The following INTS8 variants were observed in gnomAD, a reference collection of about 807,000 sequenced individuals.
The protein encoded by INTS8 is integrator complex subunit 8, also known as protein kaonashi-1.
INTS8 carries 47 observed loss-of-function variants against 138.9 expected under a neutral mutation model. That is an observed-to-expected ratio of 0.34 (90% CI 0.27 to 0.43). The LOEUF is 0.43. Ranked by LOEUF, INTS8 falls within the 20% of genes least tolerant of loss-of-function variation. INTS8 has a pLI of 1.00. For synonymous variants in INTS8, 392 were observed against 400.9 expected, an observed-to-expected ratio of 0.98 and a Z score of 0.27; for missense variants, 996 against 1,173.0, an observed-to-expected ratio of 0.85 and a Z score of 2.20.
intron 26 of INTS8, 82 bp downstream of exon 26, chr8:94,876,571 G>A: frequency 1.2e-6 from 1 of 825,106 alleles, no homozygotes; most frequent in Non-Finnish European, 1.9e-6. Flanking sequence ...ACAAAAAATA[G>A]ATTTTGTGTA....
chr8:94,859,998 ATTC>A (rs1259303428), intron 16 of INTS8: 1 of 161,356 alleles, frequency 6.2e-6, no homozygotes, highest in Non-Finnish European at 1.4e-5. Flanking sequence ...TGAACACTTT[ATTC>A]TTCTTTAGAA....
chr8:94,827,912 G>A (rs1351211259), intron 4 of INTS8, 119 bp downstream of exon 4: 2 of 839,136 alleles, frequency 2.4e-6, no homozygotes, highest in Non-Finnish European at 4.1e-6. Flanking sequence ...AGGGCAGAAG[G>A]CCTGTGTGAA....
At chr8:94,851,844 CAG>C (rs1353529486) in intron 13 of INTS8, among the ~76,000 whole-genome samples, 158 bp downstream of exon 13, 4 of 152,082 alleles carry the variant, frequency 2.6e-5, no homozygotes, top group Admixed American at 6.5e-5. Context: ...CATCCATTGA[CAG>C]AGAAAATAGG....
At chr8:94,848,716 G>A (rs1815421596) in intron 10 of INTS8, among the ~76,000 whole-genome samples, 1 of 152,054 alleles carries the variant, frequency 6.6e-6, no homozygotes, top group South Asian at 2.1e-4. Context: ...TCATCAGTTG[G>A]TAGACTGCAG....
intron 10 of INTS8, among the ~76,000 whole-genome samples, chr8:94,845,455 A>C (rs1055415229): frequency 6.6e-6 from 1 of 151,854 alleles, no homozygotes; most frequent in African/African-American, 2.4e-5. Context: ...AGCAAGTTCT[A>C]CCTTGTTTTC....
chr8:94,850,043 A>C lies in INTS8; in HGVS notation c.1459A>C (p.Arg487=). The change falls in exon 12 of 27, where the codon AGA becomes CGA. Residue 487 remains arginine, a synonymous_variant. Transcript: ENST00000523731. ...LVDQMRKRSP[R]VNLCIKPVTS... is the part of the protein sequence containing the mutation. Reference sequence around the variant, plus strand: ...TGATCAGATGAGGAAGAGATCCCCTAGAGTAAATCTGTGCATTAAACCTGT... The same window carrying C: ...TGATCAGATGAGGAAGAGATCCCCTCGAGTAAATCTGTGCATTAAACCTGT... The C allele has an allele frequency of 6.2e-7, 1 of 1,613,088 alleles. No individual in the cohort carries two copies. Among genetic ancestry groups the C allele is most frequent in the Non-Finnish European group, 8.5e-7 (1 of 1,179,472 alleles).
intron 1 of INTS8, among the ~76,000 whole-genome samples, chr8:94,823,934 G>C (rs759809980): frequency 6.6e-6 from 1 of 152,242 alleles, no homozygotes; most frequent in Non-Finnish European, 1.5e-5. Context: ...AATTCAGGGA[G>C]CTGGGGAGAA....
chr8:94,833,953 G>C (rs1218271247), intron 6 of INTS8, among the ~76,000 whole-genome samples: 1 of 151,868 alleles, frequency 6.6e-6, no homozygotes, highest in African/African-American at 2.4e-5. Context: ...TGTATTTTTA[G>C]TAGAGATGGG....
At chr8:94,860,899 CA>C (rs1247675693) in intron 16 of INTS8, among the ~76,000 whole-genome samples, 2 of 150,566 alleles carry the variant, frequency 1.3e-5, no homozygotes, top group Non-Finnish European at 3.0e-5. Flanking sequence ...ACTAAAAATA[CA>C]AAAAAAATTA....
chr8:94,861,251 T>C (rs1005108564), intron 16 of INTS8, among the ~76,000 whole-genome samples: 2 of 108,372 alleles, frequency 1.8e-5, no homozygotes, highest in African/African-American at 7.4e-5. Flanking sequence ...TCCCCCCTTT[T>C]TGTAATTTTT....
intron 25 of INTS8, 26 bp downstream of exon 25, chr8:94,876,311 GT>G: frequency 6.4e-7 from 1 of 1,559,038 alleles, no homozygotes. Context: ...TGTGTGTGAT[GT>G]TAGAATGATC....
chr8:94,825,440 A>AT (rs1377589256), intron 2 of INTS8, among the ~76,000 whole-genome samples: 44 of 149,624 alleles, frequency 2.9e-4, no homozygotes, highest in East Asian at 2.3e-3. Flanking sequence ...AAAAAAAAAA[A>AT]ATAATAAAAT....
chr8:94,864,138 A>G (rs1226147669), intron 16 of INTS8, among the ~76,000 whole-genome samples: 3 of 152,192 alleles, frequency 2.0e-5, no homozygotes, highest in Admixed American at 1.3e-4. Context: ...ACATGGCAGA[A>G]TAGTCACAAT....
rs1164726222 is a variant in INTS8, at chr8:94,824,899, C to T, written c.137C>T (p.Ala46Val). ...ATTTTCTTTTAAACCCTAGATCCTG[C>T]ACCAGTTCAACTTATAGTTCAGTTT... Reference protein sequence around the residue: ...KHLRKPCPDPAPVQLIVQFLE... With the variant: ...KHLRKPCPDPVPVQLIVQFLE... Residue 46 changes from alanine to valine, a missense_variant, in exon 2 of 27, where the codon GCA becomes GTA. Ala to Val is a moderately conservative substitution (Grantham distance 64). Coordinates refer to ENST00000523731, the MANE Select transcript of INTS8 (RefSeq NM_017864.4). The T allele has an allele frequency of 6.2e-7, 1 of 1,602,558 alleles. No homozygotes were observed. Among genetic ancestry groups the T allele is most frequent in the Non-Finnish European group, 8.5e-7 (1 of 1,173,164 alleles).
At chr8:94,841,362 G>A (rs1815126582) in intron 8 of INTS8, 129 bp from the exon 9 acceptor site, 1 of 507,284 alleles carries the variant, frequency 2.0e-6, no homozygotes, top group East Asian at 3.2e-5. Flanking sequence ...AGGAAGAAAA[G>A]GTTTTCATAG....
At chr8:94,844,970 G>T (rs1388676002) in intron 10 of INTS8, among the ~76,000 whole-genome samples, 2 of 151,042 alleles carry the variant, frequency 1.3e-5, no homozygotes, top group African/African-American at 2.4e-5. Flanking sequence ...TCCAGGCTGG[G>T]CTCGAACTGT....
chr8:94,854,846 C>G (rs917366309), intron 14 of INTS8, among the ~76,000 whole-genome samples: 2 of 152,116 alleles, frequency 1.3e-5, no homozygotes, highest in Non-Finnish European at 2.9e-5. Flanking sequence ...ATTCTCCTAC[C>G]TCAGCCCCCT....
At chr8:94,834,629 G>A (rs1249665965) in intron 6 of INTS8, among the ~76,000 whole-genome samples, 2 of 150,404 alleles carry the variant, frequency 1.3e-5, no homozygotes, top group Admixed American at 6.7e-5. Context: ...GCTTGAACCC[G>A]AAAGAGGAGA....
chr8:94,838,680 C>T (rs1815024693), intron 8 of INTS8, 62 bp downstream of exon 8: 1 of 1,360,956 alleles, frequency 7.3e-7, no homozygotes, highest in Admixed American at 1.8e-5. Flanking sequence ...AGTTCAAATC[C>T]TCGCACCATC....
Sources: gnomAD v4.1 joint callset for allele counts (sites outside exome capture counted in the v4.1 genomes callset) on GRCh38, gnomAD v4.1.1 for gene constraint, MANE v1.5 for transcripts, NCBI Gene and HGNC (gene_info 2026-07-23, HGNC 2026-07-21) for gene names.